Variants in TAS2R38 observed in about 807,000 individuals in gnomAD.
TAS2R38 encodes the protein taste 2 receptor member 38, also known as taste receptor type 2 member 38.
A neutral mutation model predicts 16.4 loss-of-function variants in TAS2R38; 11 were observed. The observed-to-expected ratio is 0.67, with a 90% CI of 0.42 to 1.11. The LOEUF (loss-of-function observed/expected upper bound fraction) is 1.11. TAS2R38 is among the 50% of genes least tolerant of loss of function. The probability of loss-of-function intolerance (pLI) is 0.00; values close to 1 mark genes in which losing one functional copy is unlikely to be tolerated. For missense variants in TAS2R38, 364 were observed against 395.8 expected, an observed-to-expected ratio of 0.92 and a Z score of 0.68; for synonymous variants, 149 against 155.6, an observed-to-expected ratio of 0.96 and a Z score of 0.32.
rs782323970 is a variant in TAS2R38 at position 141,973,434 on chromosome 7, C to T, written c.256G>A (p.Glu86Lys). Reference protein sequence around the residue: ...IQLTHFQKLSEPLNHSYQAII... With the variant: ...IQLTHFQKLSKPLNHSYQAII... ...GCTTGGTAGCTGTGGTTCAGTGGTT[C>T]ACTCAACTTCTGGAAGTGGGTAAGC... Residue 86 changes from glutamate (E) to lysine (K), a missense_variant, in exon 1 of 1, where the codon GAA (glutamate) becomes AAA (lysine). Glu to Lys is a moderately conservative substitution (Grantham distance 56). Transcript: ENST00000547270. The T allele has an allele frequency of 1.9e-6, 3 of 1,614,116 alleles. No individual in the cohort carries two copies. Among genetic ancestry groups the T allele is most frequent in the South Asian group, 1.1e-5 (1 of 91,076 alleles).
At position 141,972,903 on chromosome 7, in the gene TAS2R38, C is replaced by G. The variant is rs782741616; in HGVS notation, c.787G>C (p.Ala263Pro). The change falls in exon 1 of 1, where the codon GCC becomes CCC. Residue 263 changes from alanine (A) to proline (P), a missense_variant. Ala to Pro is a conservative substitution (Grantham distance 27). Coordinates refer to ENST00000547270, the MANE Select transcript of TAS2R38 (RefSeq NM_176817.5). ...ATCAGTAGGGGCACAGAGATGAAGG[C>G]AGCACAGGATGATATCACAAAGAAG... ...FCFFVISSCA[A>P]FISVPLLILW... The G allele has an allele frequency of 1.2e-6, 2 of 1,613,996 alleles. No homozygotes were observed. Among genetic ancestry groups the G allele is most frequent in the Non-Finnish European group, 8.5e-7 (1 of 1,179,992 alleles).
Position 141,973,166 on chromosome 7 carries a change from A to G in TAS2R38, c.524T>C (p.Phe175Ser). 6.2e-7 allele frequency: 1 copy of G among 1,614,108 alleles called. No individual in the cohort carries two copies. The highest frequency in any genetic ancestry group is 2.2e-5 in the East Asian group (1 of 44,874). ...GTTGAGCCTTGTATTGTTATTCATG[A>G]ATAGCACAGTTGTGACTGTGAAGTG... ...RPHFTVTTVL[F>S]MNNNTRLNWQ... Residue 175 changes from phenylalanine (F) to serine (S), a missense_variant, in exon 1 of 1, where the codon TTC (phenylalanine) becomes TCC (serine). Phe to Ser is a radical substitution (Grantham distance 155, BLOSUM62 -2). Transcript: ENST00000547270.
At position 141,973,008 on chromosome 7, in the gene TAS2R38, T is replaced by C; in HGVS notation, c.682A>G (p.Lys228Glu). Residue 228 changes from lysine (K) to glutamate (E), a missense_variant, in exon 1 of 1, where the codon AAG becomes GAG. Lys to Glu is a moderately conservative substitution (Grantham distance 56). Coordinates refer to ENST00000547270, the MANE Select transcript of TAS2R38 (RefSeq NM_176817.5). ...VSLGRHMRTMKVYTRNSRDPS... is the reference protein window; with the variant it reads ...VSLGRHMRTMEVYTRNSRDPS... ...TCACGAGAGTTTCTGGTATAGACCT[T>C]CATTGTCCTCATGTGCCTTCCCAGG... is the stretch of plus-strand genomic sequence containing the variant. 1.2e-6 allele frequency: 2 copies of C among 1,614,092 alleles called. No individual in the cohort carries two copies. The highest frequency in any genetic ancestry group is 2.7e-5 in the African/African-American group (2 of 75,028).
rs1803403621 is a variant in TAS2R38 at position 141,973,399 on chromosome 7, C to G, written c.291G>C (p.Met97Ile). 1 of 1,613,998 alleles carries G rather than the reference C, an allele frequency of 6.2e-7. No individual in the cohort carries two copies. Among genetic ancestry groups the G allele is most frequent in the Admixed American group, 1.7e-5 (1 of 60,002 alleles). The change falls in exon 1 of 1, where the codon ATG becomes ATC. Residue 97 changes from methionine (M) to isoleucine (I), a missense_variant. Transcript: ENST00000547270. ...PLNHSYQAII[M>I]LWMIANQANL... ...TGGCTTGGTTTGCAATCATCCATAGCATGATGATGGCTTGGTAGCTGTGGT... is the reference window on the plus strand; with the variant it reads ...TGGCTTGGTTTGCAATCATCCATAGGATGATGATGGCTTGGTAGCTGTGGT...
chr7:141,973,172 A>T lies in TAS2R38; in HGVS notation c.518T>A (p.Val173Glu), dbSNP rs1554444383. The T allele has an allele frequency of 6.2e-7, 1 of 1,614,170 alleles. No individual in the cohort carries two copies. Among genetic ancestry groups the T allele is most frequent in the South Asian group, 1.1e-5 (1 of 91,084 alleles). Residue 173 changes from valine to glutamate, a missense_variant, in exon 1 of 1, where the codon GTG becomes GAG. Transcript: ENST00000547270. ...CCTTGTATTGTTATTCATGAATAGCACAGTTGTGACTGTGAAGTGAGGTCT... is the reference window on the plus strand; with the variant it reads ...CCTTGTATTGTTATTCATGAATAGCTCAGTTGTGACTGTGAAGTGAGGTCT... ...FSRPHFTVTT[V>E]LFMNNNTRLN...
rs782227564 is a variant in TAS2R38, at chr7:141,973,399, CATG to C, written c.288_290del (p.Ile96del). 1 of 1,614,116 alleles carries C rather than the reference CATG, an allele frequency of 6.2e-7. No individual in the cohort carries two copies. Among genetic ancestry groups the C allele is most frequent in the South Asian group, 1.1e-5 (1 of 91,082 alleles). On this transcript the variant is annotated inframe_deletion, in exon 1 of 1. Transcript: ENST00000547270. Reference sequence around the variant, plus strand: ...TGGCTTGGTTTGCAATCATCCATAGCATGATGATGGCTTGGTAGCTGTGGTTCA... The same window carrying C: ...TGGCTTGGTTTGCAATCATCCATAGCATGATGGCTTGGTAGCTGTGGTTCA...
rs2128966026 is a variant in TAS2R38, at chr7:141,972,938, G to A, written c.752C>T (p.Ser251Phe). Residue 251 changes from serine to phenylalanine, a missense_variant, in exon 1 of 1, where the codon TCC becomes TTC. Coordinates refer to ENST00000547270, the MANE Select transcript of TAS2R38 (RefSeq NM_176817.5). ...AHIKALKSLV[S>F]FFCFFVISSC... is the part of the protein sequence containing the mutation. ...TGATATCACAAAGAAGCAGAAAAAGGAGACAAGAGACTTGAGGGCTTTAAT... is the reference window on the plus strand; with the variant it reads ...TGATATCACAAAGAAGCAGAAAAAGAAGACAAGAGACTTGAGGGCTTTAAT... 6.2e-7 allele frequency: 1 copy of A among 1,614,076 alleles called. No homozygotes were observed. Among genetic ancestry groups the A allele is most frequent in the East Asian group, 2.2e-5 (1 of 44,852 alleles).
Position 141,973,301 on chromosome 7 carries a change from A to T in TAS2R38, c.389T>A (p.Ile130Asn). 1 of 1,613,948 alleles carries T rather than the reference A, an allele frequency of 6.2e-7. No homozygotes were observed. The highest frequency in any genetic ancestry group is 8.5e-7 in the Non-Finnish European group (1 of 1,179,988). ...KLIRFSHTFL[I>N]CLASWVSRKI... is the part of the protein sequence containing the mutation. ...CCTGGAGACCCAGCTTGCCAAGCAG[A>T]TCAGGAAGGTGTGAGAGAAACGGAT... The change falls in exon 1 of 1, where the codon ATC (isoleucine) becomes AAC (asparagine). Residue 130 changes from isoleucine (I) to asparagine (N), a missense_variant. Transcript: ENST00000547270.
Position 141,972,747 on chromosome 7 carries a change from C to A in TAS2R38, c.943G>T (p.Ala315Ser). Residue 315 changes from alanine to serine, a missense_variant, in exon 1 of 1, where the codon GCT becomes TCT. Physicochemically the swap from Ala to Ser is moderately conservative, Grantham distance 99 (BLOSUM62 1). Coordinates refer to ENST00000547270, the MANE Select transcript of TAS2R38 (RefSeq NM_176817.5). ...GCTCTTACCTTCAGGCTGCTCTGAG[C>A]CCAGAGCAGAATGGTCATCACAGCT... is the stretch of plus-strand genomic sequence containing the variant. Reference protein sequence around the residue: ...RRAVMTILLWAQSSLKVRADH... With the variant: ...RRAVMTILLWSQSSLKVRADH... The A allele has an allele frequency of 6.2e-7, 1 of 1,614,068 alleles. No individual in the cohort carries two copies. The highest frequency in any genetic ancestry group is 8.5e-7 in the Non-Finnish European group (1 of 1,179,992).
Position 141,973,062 on chromosome 7 carries a change from G to C in TAS2R38, c.628C>G (p.Leu210Val). Reference sequence around the variant, plus strand: ...ACAGTCAGCATCCCAGAAGAAACCAGAAACAATAGGAAAGGAGGCACAGAC... The same window carrying C: ...ACAGTCAGCATCCCAGAAGAAACCACAAACAATAGGAAAGGAGGCACAGAC... ...LWSVPPFLLF[L>V]VSSGMLTVSL... Residue 210 changes from leucine to valine, a missense_variant, in exon 1 of 1, where the codon CTG (leucine) becomes GTG (valine). Physicochemically the swap from Leu to Val is conservative, Grantham distance 32 (BLOSUM62 1). Transcript: ENST00000547270. The C allele has an allele frequency of 6.2e-7, 1 of 1,614,018 alleles. No individual in the cohort carries two copies. Among genetic ancestry groups the C allele is most frequent in the Non-Finnish European group, 8.5e-7 (1 of 1,180,012 alleles).
Position 141,973,406 on chromosome 7 carries a change from A to T in TAS2R38, c.284T>A (p.Ile95Asn), listed in dbSNP as rs1440384491. The change falls in exon 1 of 1, where the codon ATC (isoleucine) becomes AAC (asparagine). Residue 95 changes from isoleucine to asparagine, a missense_variant. By Grantham distance (149) the Ile-to-Asn change is moderately radical. Transcript: ENST00000547270. ...SEPLNHSYQA[I>N]IMLWMIANQA... Reference sequence around the variant, plus strand: ...GTTTGCAATCATCCATAGCATGATGATGGCTTGGTAGCTGTGGTTCAGTGG... The same window carrying T: ...GTTTGCAATCATCCATAGCATGATGTTGGCTTGGTAGCTGTGGTTCAGTGG... The T allele has an allele frequency of 1.2e-5, 19 of 1,614,016 alleles. No individual in the cohort carries two copies. Among genetic ancestry groups the T allele is most frequent in the Non-Finnish European group, 1.6e-5 (19 of 1,180,034 alleles).
chr7:141,973,527 A>G lies in TAS2R38; in HGVS notation c.163T>C (p.Cys55Arg). Residue 55 changes from cysteine to arginine, a missense_variant, in exon 1 of 1, where the codon TGT (cysteine) becomes CGT (arginine). By Grantham distance (180) the Cys-to-Arg change is radical. Transcript: ENST00000547270. ...VKRQALSNSD[C>R]VLLCLSISRL... ...CTGATGCTGAGACACAGCAGCACAC[A>G]ATCACTGTTGCTCAGTGCCTGCCTC... 1.2e-6 allele frequency: 2 copies of G among 1,614,114 alleles called. No individual in the cohort carries two copies. The highest frequency in any genetic ancestry group is 1.3e-5 in the African/African-American group (1 of 75,024).
In TAS2R38 at chr7:141,973,545, C is replaced by A. The variant is rs713598; in HGVS notation, c.145G>T (p.Ala49Ser). 2 of 1,613,720 alleles carry A rather than the reference C, an allele frequency of 1.2e-6. No individual in the cohort carries two copies. The highest frequency in any genetic ancestry group is 1.7e-6 in the Non-Finnish European group (2 of 1,179,940). ...AGCACACAATCACTGTTGCTCAGTG[C>A]CTGCCTCTTCACTACATCCCAAAAA... is the stretch of plus-strand genomic sequence containing the variant. The part of the protein sequence containing the change: ...VNFWDVVKRQ[A>S]LSNSDCVLLC... The change falls in exon 1 of 1, where the codon GCA becomes TCA. Residue 49 changes from alanine to serine, a missense_variant. By Grantham distance (99) the Ala-to-Ser change is moderately conservative (BLOSUM62 1). Coordinates refer to ENST00000547270, the MANE Select transcript of TAS2R38 (RefSeq NM_176817.5).
In TAS2R38 at chr7:141,972,998, G is replaced by T. The variant is rs782270623; in HGVS notation, c.692C>A (p.Thr231Asn). The T allele has an allele frequency of 6.2e-7, 1 of 1,614,120 alleles. No homozygotes were observed. Among genetic ancestry groups the T allele is most frequent in the South Asian group, 1.1e-5 (1 of 91,080 alleles). The change falls in exon 1 of 1, where the codon ACC (threonine) becomes AAC (asparagine). Residue 231 changes from threonine (T) to asparagine (N), a missense_variant. By Grantham distance (65) the Thr-to-Asn change is moderately conservative. Transcript: ENST00000547270. ...GRHMRTMKVY[T>N]RNSRDPSLEA... is the part of the protein sequence containing the mutation. Reference sequence around the variant, plus strand: ...CAGGCTGGGGTCACGAGAGTTTCTGGTATAGACCTTCATTGTCCTCATGTG... The same window carrying T: ...CAGGCTGGGGTCACGAGAGTTTCTGTTATAGACCTTCATTGTCCTCATGTG...
Position 141,973,533 on chromosome 7 carries a change from T to C in TAS2R38, c.157A>G (p.Ser53Gly). The C allele has an allele frequency of 6.2e-7, 1 of 1,614,096 alleles. No homozygotes were observed. Among genetic ancestry groups the C allele is most frequent in the Non-Finnish European group, 8.5e-7 (1 of 1,180,026 alleles). ...CTGAGACACAGCAGCACACAATCAC[T>C]GTTGCTCAGTGCCTGCCTCTTCACT... ...DVVKRQALSN[S>G]DCVLLCLSIS... Residue 53 changes from serine (S) to glycine (G), a missense_variant, in exon 1 of 1, where the codon AGT becomes GGT. By Grantham distance (56) the Ser-to-Gly change is moderately conservative (BLOSUM62 0). Transcript: ENST00000547270.
rs141053758 is a variant in TAS2R38, at chr7:141,973,408, G to A, written c.282C>T (p.Ala94=). 3.3e-5 allele frequency: 53 copies of A among 1,613,976 alleles called. No individual in the cohort carries two copies. In the Admixed American group the frequency reaches 7.8e-4, roughly 24 times the overall value. Reference sequence around the variant, plus strand: ...TTGCAATCATCCATAGCATGATGATGGCTTGGTAGCTGTGGTTCAGTGGTT... The same window carrying A: ...TTGCAATCATCCATAGCATGATGATAGCTTGGTAGCTGTGGTTCAGTGGTT... ...LSEPLNHSYQ[A]IIMLWMIANQ... is the part of the protein sequence containing the mutation. Residue 94 remains alanine (A), a synonymous_variant, in exon 1 of 1, where the codon GCC becomes GCT. Coordinates refer to ENST00000547270, the MANE Select transcript of TAS2R38 (RefSeq NM_176817.5).
rs782802547 is a variant in TAS2R38, at chr7:141,972,875, A to G, written c.815T>C (p.Leu272Pro). The G allele has an allele frequency of 5.6e-6, 9 of 1,614,038 alleles. No homozygotes were observed. Among genetic ancestry groups the G allele is most frequent in the Middle Eastern group, 1.6e-4 (1 of 6,084 alleles). ...AAFISVPLLILWRDKIGVMVC... is the reference protein window; with the variant it reads ...AAFISVPLLIPWRDKIGVMVC... The stretch of plus-strand genomic sequence containing the variant: ...CATCACCCCTATTTTGTCGCGCCAC[A>G]GAATCAGTAGGGGCACAGAGATGAA... The change falls in exon 1 of 1, where the codon CTG becomes CCG. Residue 272 changes from leucine (L) to proline (P), a missense_variant. Transcript: ENST00000547270.
rs782434601 is a variant in TAS2R38 at position 141,973,393 on chromosome 7, C to T, written c.297G>A (p.Trp99Ter). ...AGAGGTTGGCTTGGTTTGCAATCAT[C>T]CATAGCATGATGATGGCTTGGTAGC... The part of the protein sequence containing the change: ...NHSYQAIIML[W>*]MIANQANLWL... The change falls in exon 1 of 1, where the codon TGG becomes TGA. Residue 99 changes from tryptophan to a stop codon, truncating the protein, a stop_gained. Transcript: ENST00000547270. LOFTEE classifies it high-confidence loss of function. The T allele has an allele frequency of 3.1e-6, 5 of 1,614,054 alleles. No homozygotes were observed. In the South Asian group the frequency reaches 4.4e-5, roughly 14 times the overall value.
Position 141,973,081 on chromosome 7 carries a change from C to G in TAS2R38, c.609G>C (p.Val203=). 1 of 1,614,010 alleles carries G rather than the reference C, an allele frequency of 6.2e-7. No individual in the cohort carries two copies. Among genetic ancestry groups the G allele is most frequent in the Non-Finnish European group, 8.5e-7 (1 of 1,180,022 alleles). The change falls in exon 1 of 1, where the codon GTG becomes GTC. Residue 203 remains valine (V), a synonymous_variant. Transcript: ENST00000547270. The part of the protein sequence containing the change: ...YSFLFCYLWS[V]PPFLLFLVSS... Reference sequence around the variant, plus strand: ...AAACCAGAAACAATAGGAAAGGAGGCACAGACCACAGATAGCAGAAGAGAA... The same window carrying G: ...AAACCAGAAACAATAGGAAAGGAGGGACAGACCACAGATAGCAGAAGAGAA...
Sources: allele counts gnomAD v4.1 joint callset, GRCh38; gene constraint gnomAD v4.1.1; transcripts MANE v1.5; gene names NCBI Gene and HGNC (gene_info 2026-07-23, HGNC 2026-07-21).